Variants in SH3RF2 observed in about 807,000 individuals in gnomAD.
SH3RF2 encodes the protein E3 ubiquitin-protein ligase SH3RF2.
Under a neutral mutation model 59.0 loss-of-function variants are expected in SH3RF2, and 43 were observed. That is an observed-to-expected ratio of 0.73 (90% CI 0.57 to 0.94). SH3RF2 has a LOEUF of 0.94. Ranked by LOEUF, SH3RF2 falls within the 40% of genes least tolerant of loss-of-function variation. SH3RF2 has a pLI of 0.00. For missense variants in SH3RF2, 930 were observed against 940.1 expected (o/e 0.99, Z 0.14); for synonymous variants, 391 against 391.5 (o/e 1.00, Z 0.01).
chr5:146,053,537 G>A (rs1762570186), intron 7 of SH3RF2, among the ~76,000 whole-genome samples: 1 of 151,018 alleles, frequency 6.6e-6, no homozygotes, highest in Non-Finnish European at 1.5e-5. Context: ...TCCCTCTTGG[G>A]ATTTGGAAAC....
At chr5:145,960,873 AACAGGCAAG>A (rs1215646858) in intron 2 of SH3RF2, among the ~76,000 whole-genome samples, 4 of 152,244 alleles carry the variant, frequency 2.6e-5, no homozygotes, top group African/African-American at 9.6e-5. Context: ...AAAAGAACCC[AACAGGCAAG>A]ACAGCTAGCA....
chr5:145,978,338 C>A (rs1241317649), intron 2 of SH3RF2, among the ~76,000 whole-genome samples: 1 of 152,156 alleles, frequency 6.6e-6, no homozygotes, highest in Non-Finnish European at 1.5e-5. Flanking sequence ...ATTCATAGAA[C>A]CTGGTTGCAG....
At chr5:145,953,617 A>G (rs1261239329) in intron 2 of SH3RF2, among the ~76,000 whole-genome samples, 2 of 152,190 alleles carry the variant, frequency 1.3e-5, no homozygotes, top group Non-Finnish European at 2.9e-5. Flanking sequence ...AGGTAAGCAC[A>G]TGTCACAGGG....
At chr5:145,997,714 C>G in intron 2 of SH3RF2, 1 of 1,567,998 alleles carries the variant, frequency 6.4e-7, no homozygotes, top group Non-Finnish European at 8.7e-7. Flanking sequence ...GTATATGCTA[C>G]AAGCCAGCAA....
At chr5:145,978,250 C>T (rs1339422080) in intron 2 of SH3RF2, among the ~76,000 whole-genome samples, 2 of 152,138 alleles carry the variant, frequency 1.3e-5, no homozygotes, top group Non-Finnish European at 2.9e-5. Flanking sequence ...CCTTTCCTAC[C>T]TCCCAAACCT....
Position 146,062,658 on chromosome 5 carries a change from T to C in SH3RF2, c.2147T>C (p.Val716Ala). 6.2e-7 allele frequency: 1 copy of C among 1,614,180 alleles called. No individual in the cohort carries two copies. Among genetic ancestry groups the C allele is most frequent in the Non-Finnish European group, 8.5e-7 (1 of 1,180,020 alleles). Residue 716 changes from valine (V) to alanine (A), a missense_variant, in exon 10 of 10, where the codon GTG becomes GCG. Coordinates refer to ENST00000359120, the MANE Select transcript of SH3RF2 (RefSeq NM_152550.4). ...GCTCTTGGCAAGGCCACAACCCTGG[T>C]GTCCACTGCCTCAGGCACGCAGACC... ...KSALGKATTL[V>A]STASGTQTVF...
chr5:146,000,445 ATTG>A lies in SH3RF2; in HGVS notation c.648+121_648+123del, dbSNP rs199792828. 7,620 of 779,882 alleles carry A rather than the reference ATTG, an allele frequency of 9.8e-3. 433 individuals carry two copies. The African/African-American group carries it at 0.13, about 13-fold the overall frequency. 48.3% of individuals were successfully genotyped at this position (779,882 alleles called of 1,614,324 possible). On this transcript the variant is annotated intron_variant, in intron 3 of 9. Coordinates refer to ENST00000359120, the MANE Select transcript of SH3RF2 (RefSeq NM_152550.4). ...AATTGTATTTTAAATATATTATATT[ATTG>A]TTAATATTTTATTCATAAAAATATA...
At chr5:146,080,222 A>C (rs1402215026) in exon 10 of SH3RF2, 3 of 152,148 alleles carry the variant, frequency 2.0e-5, no homozygotes, top group African/African-American at 7.2e-5. Flanking sequence ...TCTGAGTTGC[A>C]TCTCCCGGAA....
chr5:145,939,498 C>T lies in SH3RF2; in HGVS notation c.378+1192C>T, dbSNP rs139162511. On this transcript the variant is annotated intron_variant, in intron 2 of 9. Coordinates refer to ENST00000359120, the MANE Select transcript of SH3RF2 (RefSeq NM_152550.4). Reference sequence around the variant, plus strand: ...GGGTTCACTGCATCTTTAAACCACCCATGGCGCATGTGTAAACATTCAACA... The same window carrying T: ...GGGTTCACTGCATCTTTAAACCACCTATGGCGCATGTGTAAACATTCAACA... Among the ~76,000 whole-genome samples the T allele has an allele frequency of 2.8e-3, 432 of 152,296 alleles. 3 individuals are homozygous for T. The highest frequency in any genetic ancestry group is 9.8e-3 in the African/African-American group (406 of 41,568).
downstream of SH3RF2, among the ~76,000 whole-genome samples, chr5:146,064,861 AAAG>A (rs1276762510): frequency 4.3e-4 from 12 of 27,894 alleles, 1 homozygote; most frequent in Non-Finnish European, 1.3e-3. Context: ...AGAAAGAAAG[AAAG>A]AGAAAGAAAA....
At chr5:146,071,773 A>G (rs1763245830) in intron 9 of SH3RF2, among the ~76,000 whole-genome samples, 1 of 152,216 alleles carries the variant, frequency 6.6e-6, no homozygotes, top group Non-Finnish European at 1.5e-5. Flanking sequence ...AAAGTGACAC[A>G]ACCCTAGACC....
chr5:146,070,303 G>A (rs935258589), intron 9 of SH3RF2, among the ~76,000 whole-genome samples: 1 of 152,158 alleles, frequency 6.6e-6, no homozygotes, highest in African/African-American at 2.4e-5. Flanking sequence ...AGTTTGCTAG[G>A]ATGGGGCTGG....
chr5:146,047,011 C>A (rs1327821556), intron 5 of SH3RF2, among the ~76,000 whole-genome samples: 1 of 152,166 alleles, frequency 6.6e-6, no homozygotes, highest in African/African-American at 2.4e-5. Context: ...CCCAGCTCAG[C>A]TTCCCAAAGT....
intron 1 of SH3RF2, among the ~76,000 whole-genome samples, chr5:145,937,426 A>G (rs1440250137): frequency 1.3e-5 from 2 of 152,148 alleles, no homozygotes; most frequent in Non-Finnish European, 2.9e-5. Flanking sequence ...GAGGAGGAGG[A>G]GATAGCTTCA....
At chr5:146,073,168 G>A (rs911169152) in intron 9 of SH3RF2, among the ~76,000 whole-genome samples, 5 of 152,210 alleles carry the variant, frequency 3.3e-5, no homozygotes, top group African/African-American at 4.8e-5. Flanking sequence ...GCTGGTCAAC[G>A]GTGCCAGGGT....
chr5:146,002,513 G>GAAGGAAGGAAGGAAGA (rs1554114593), intron 3 of SH3RF2, among the ~76,000 whole-genome samples: 10 of 150,630 alleles, frequency 6.6e-5, no homozygotes, highest in African/African-American at 2.5e-4. Flanking sequence ...AGGAAGGAAG[G>GAAGGAAGGAAGGAAGA]AAGGAAGGAA....
At chr5:145,963,426 A>G (rs1335017688) in intron 2 of SH3RF2, among the ~76,000 whole-genome samples, 1 of 151,882 alleles carries the variant, frequency 6.6e-6, no homozygotes, top group Non-Finnish European at 1.5e-5. Flanking sequence ...ATATAGTGAG[A>G]CTCCACCTCA....
chr5:145,987,646 T>C (rs1443929691), intron 2 of SH3RF2, among the ~76,000 whole-genome samples: 1 of 152,170 alleles, frequency 6.6e-6, no homozygotes, highest in Non-Finnish European at 1.5e-5. Flanking sequence ...TATTTATGTG[T>C]GTTTATAAGT....
At chr5:145,992,573 G>T (rs1759982971) in intron 2 of SH3RF2, among the ~76,000 whole-genome samples, 1 of 152,178 alleles carries the variant, frequency 6.6e-6, no homozygotes, top group Non-Finnish European at 1.5e-5. Context: ...GTTCCACATG[G>T]CTGGGGAAGC....
Sources: allele counts gnomAD v4.1 joint callset (sites outside exome capture counted in the v4.1 genomes callset), GRCh38; gene constraint gnomAD v4.1.1; transcripts MANE v1.5; gene names NCBI Gene and HGNC (gene_info 2026-07-23, HGNC 2026-07-21).